The following NOL10 variants were observed in gnomAD, a reference collection of about 807,000 sequenced individuals.
NOL10 encodes the protein H_NH0074G24.1.
NOL10 carries 58 observed loss-of-function variants against 103.5 expected under a neutral mutation model. That is an observed-to-expected ratio of 0.56 (90% CI 0.45 to 0.70). NOL10 has a LOEUF of 0.70. Ranked by LOEUF, NOL10 falls within the 30% of genes least tolerant of loss-of-function variation. NOL10 has a pLI of 0.00. For synonymous variants in NOL10, 287 were observed against 282.5 expected (o/e 1.02, Z -0.16); for missense variants, 763 against 807.3 (o/e 0.95, Z 0.67).
At chr2:10,584,254 T>C (rs1558268041) in intron 19 of NOL10, among the ~76,000 whole-genome samples, 1 of 152,222 alleles carries the variant, frequency 6.6e-6, no homozygotes, top group Non-Finnish European at 1.5e-5. Flanking sequence ...GCCATGTCGT[T>C]CTTCCCATCC....
At position 10,570,765 on chromosome 2, in the gene NOL10, A is replaced by G. The variant is rs1674140721; in HGVS notation, c.*1306T>C. The stretch of plus-strand genomic sequence containing the variant: ...TCTTGGAGTCTTTCTCAAAGAAGCT[A>G]TTCAAATGAAAGTATATTTATTTTT... On this transcript the variant is annotated 3_prime_UTR_variant, in exon 21 of 21. Transcript: ENST00000381685. 1 of 152,034 alleles carries G rather than the reference A, an allele frequency of 6.6e-6. No individual in the cohort carries two copies. Among genetic ancestry groups the G allele is most frequent in the Non-Finnish European group, 1.5e-5 (1 of 68,020 alleles). The allele number at this position is 152,034 out of a possible 1,614,324, so 9.4% of individuals were successfully genotyped here.
intron 14 of NOL10, 136 bp from the exon 15 acceptor site, chr2:10,603,293 T>G: frequency 1.6e-6 from 1 of 644,638 alleles, no homozygotes; most frequent in Non-Finnish European, 2.7e-6. Context: ...ATTACTAATC[T>G]TCTTTGATAT....
At chr2:10,631,081 T>C (rs920615504) in intron 13 of NOL10, among the ~76,000 whole-genome samples, 1 of 152,216 alleles carries the variant, frequency 6.6e-6, no homozygotes, top group Non-Finnish European at 1.5e-5. Flanking sequence ...ATGTGCACTT[T>C]AGATGAAAGT....
At chr2:10,664,958 T>C (rs960940942) in intron 8 of NOL10, among the ~76,000 whole-genome samples, 7 of 152,242 alleles carry the variant, frequency 4.6e-5, no homozygotes, top group African/African-American at 1.7e-4. Flanking sequence ...AATTACACTT[T>C]TCACTTTGTG....
chr2:10,636,660 T>C (rs1678249170), intron 13 of NOL10, among the ~76,000 whole-genome samples: 1 of 151,880 alleles, frequency 6.6e-6, no homozygotes, highest in African/African-American at 2.4e-5. Flanking sequence ...AGTAAGGCTG[T>C]GTTCTTAAGA....
At chr2:10,655,191 G>C (rs1295686922) in intron 11 of NOL10, among the ~76,000 whole-genome samples, 11 of 147,832 alleles carry the variant, frequency 7.4e-5, no homozygotes, top group Non-Finnish European at 1.2e-4. Context: ...TGGGGCGACA[G>C]AGTGAGATTC....
intron 14 of NOL10, among the ~76,000 whole-genome samples, 154 bp from the exon 15 acceptor site, chr2:10,603,311 G>C (rs968675739): frequency 2.0e-5 from 3 of 152,084 alleles, no homozygotes; most frequent in Admixed American, 2.0e-4. Flanking sequence ...TATCTATAGA[G>C]AACATTTAAT....
At chr2:10,655,428 T>C (rs1321823873) in intron 11 of NOL10, among the ~76,000 whole-genome samples, 1 of 152,158 alleles carries the variant, frequency 6.6e-6, no homozygotes, top group Non-Finnish European at 1.5e-5. Context: ...ACAATGGATA[T>C]GAAATACAAA....
intron 8 of NOL10, among the ~76,000 whole-genome samples, chr2:10,664,271 A>C (rs557006941): frequency 6.6e-6 from 1 of 152,170 alleles, no homozygotes; most frequent in South Asian, 2.1e-4. Flanking sequence ...TCTACTAAAA[A>C]TACAAAATTA....
chr2:10,656,538 A>C (rs563332135), intron 11 of NOL10, among the ~76,000 whole-genome samples: 3 of 152,368 alleles, frequency 2.0e-5, no homozygotes, highest in African/African-American at 7.2e-5. Flanking sequence ...AAAGGAAAAG[A>C]AGCCAAGTAA....
intron 20 of NOL10, among the ~76,000 whole-genome samples, chr2:10,576,853 T>A (rs573401466): frequency 6.6e-6 from 1 of 152,088 alleles, no homozygotes; most frequent in Non-Finnish European, 1.5e-5. Context: ...AAAGGATGCA[T>A]ATGGTCTGTG....
Position 10,689,952 on chromosome 2 carries a change from G to T in NOL10, c.-91C>A, listed in dbSNP as rs573282506. ...CGGGACCTCCGAGCCCCTGCTCCGC[G>T]GCGTGCGGCCGCTGGCGCCGACTGA... On this transcript the variant is annotated 5_prime_UTR_variant, in exon 1 of 21. Transcript: ENST00000381685. 4 of 1,262,522 alleles carry T rather than the reference G, an allele frequency of 3.2e-6. No individual in the cohort carries two copies. Among genetic ancestry groups the T allele is most frequent in the South Asian group, 1.3e-5 (1 of 74,118 alleles). The allele number at this position is 1,262,522 out of a possible 1,614,324, so 78.2% of individuals were successfully genotyped here.
chr2:10,673,476 AT>A, intron 5 of NOL10, 43 bp downstream of exon 5: 1 of 1,279,150 alleles, frequency 7.8e-7, no homozygotes, highest in South Asian at 1.7e-5. Flanking sequence ...CCACTCACTC[AT>A]TTCTTGGGTC....
chr2:10,615,469 C>T (rs1558291366), intron 13 of NOL10, among the ~76,000 whole-genome samples: 2 of 152,114 alleles, frequency 1.3e-5, no homozygotes, highest in Admixed American at 6.5e-5. Context: ...CAAGGGCTAG[C>T]AGAGACAGGA....
chr2:10,689,364 C>T (rs1382765300), intron 1 of NOL10, among the ~76,000 whole-genome samples: 2 of 152,280 alleles, frequency 1.3e-5, no homozygotes, highest in African/African-American at 2.4e-5. Flanking sequence ...TCTGTATCTC[C>T]CTTGTTCACT....
intron 14 of NOL10, 99 bp from the exon 15 acceptor site, chr2:10,603,256 C>G (rs1035943268): frequency 1.2e-6 from 1 of 817,682 alleles, no homozygotes; most frequent in African/African-American, 1.7e-5. Context: ...TAAGATTTCA[C>G]TTCAGACTAA....
chr2:10,675,290 G>A (rs1239844812), intron 4 of NOL10, among the ~76,000 whole-genome samples: 1 of 152,110 alleles, frequency 6.6e-6, no homozygotes, highest in Non-Finnish European at 1.5e-5. Context: ...GGAGGTGAGT[G>A]TGTGATGAGA....
chr2:10,666,807 C>A (rs1342519866), intron 8 of NOL10, among the ~76,000 whole-genome samples: 1 of 151,804 alleles, frequency 6.6e-6, no homozygotes, highest in Admixed American at 6.6e-5. Flanking sequence ...GCATATAGCA[C>A]TTAGGAAAAA....
rs1675119691 is a variant in NOL10 at position 10,587,160 on chromosome 2, C to CATATACACAT, written c.1844+1882_1844+1883insATGTGTATAT. On this transcript the variant is annotated intron_variant, in intron 19 of 20. Coordinates refer to ENST00000381685, the MANE Select transcript of NOL10 (RefSeq NM_024894.4). Reference sequence around the variant, plus strand: ...ATACACATATATATACATATATACACATATATACACATATATATACACATA... The same window carrying CATATACACAT: ...ATACACATATATATACATATATACACATATACACATATATATACACATATATATACACATA... 1.5e-3 allele frequency among the ~76,000 whole-genome samples: 34 copies of CATATACACAT among 22,714 alleles called. 14 individuals are homozygous for CATATACACAT. The highest frequency in any genetic ancestry group is 0.013 in the African/African-American group (34 of 2,584). The allele number at this position is 22,714 out of a possible 152,430, so 14.9% of individuals were successfully genotyped here. A position where few individuals can be genotyped will look rare whatever the true frequency, so the allele number is the denominator to read the frequency against.
Sources: allele counts gnomAD v4.1 joint callset (sites outside exome capture counted in the v4.1 genomes callset), GRCh38; gene constraint gnomAD v4.1.1; transcripts MANE v1.5; gene names NCBI Gene and HGNC (gene_info 2026-07-23, HGNC 2026-07-21).